TMEM163: variants seen among roughly 807,000 people sequenced by gnomAD.
The protein encoded by TMEM163 is transmembrane protein 163.
In TMEM163, 17 loss-of-function variants were observed where a neutral mutation model predicts 29.3. That is an observed-to-expected ratio of 0.58 (90% confidence interval 0.40 to 0.87). The LOEUF is 0.87. Ranked by LOEUF, TMEM163 falls within the 40% of genes least tolerant of loss-of-function variation. TMEM163 has a pLI of 0.00. For synonymous variants in TMEM163, 157 were observed against 160.6 expected (o/e 0.98, Z 0.17); for missense variants, 303 against 381.5 (o/e 0.79, Z 1.71).
intron 5 of TMEM163, among the ~76,000 whole-genome samples, chr2:134,496,086 G>A (rs925936544): frequency 6.6e-6 from 1 of 150,686 alleles, no homozygotes; most frequent in Non-Finnish European, 1.5e-5. Context: ...TTTTGAGACG[G>A]AGTCTCGCTC....
At chr2:134,552,174 A>C in intron 2 of TMEM163, 83 bp from the exon 3 acceptor site, 1 of 1,092,942 alleles carries the variant, frequency 9.1e-7, no homozygotes, top group Non-Finnish European at 1.3e-6. Context: ...TGGCCTTTTA[A>C]ACATCAGTGG....
At chr2:134,574,559 TCAAAA>T (rs747657347) in intron 2 of TMEM163, among the ~76,000 whole-genome samples, 4 of 152,124 alleles carry the variant, frequency 2.6e-5, no homozygotes, top group Non-Finnish European at 5.9e-5. Flanking sequence ...AAACCCTGTC[TCAAAA>T]CAAAAACAAA....
At chr2:134,492,232 AC>A (rs1340614766) in intron 5 of TMEM163, among the ~76,000 whole-genome samples, 1 of 152,202 alleles carries the variant, frequency 6.6e-6, no homozygotes, top group African/African-American at 2.4e-5. Flanking sequence ...AATCAGGAAA[AC>A]AAAACCTCAC....
intron 2 of TMEM163, among the ~76,000 whole-genome samples, chr2:134,634,406 A>G (rs1318992555): frequency 6.6e-6 from 1 of 152,200 alleles, no homozygotes; most frequent in African/African-American, 2.4e-5. Flanking sequence ...GAGGTTGAGC[A>G]TGTAAAGCAC....
At chr2:134,634,109 A>G (rs533019319) in intron 2 of TMEM163, among the ~76,000 whole-genome samples, 2 of 151,482 alleles carry the variant, frequency 1.3e-5, no homozygotes, top group South Asian at 4.2e-4. Flanking sequence ...TAGAAGAAGT[A>G]GAAAAGACAA....
chr2:134,480,786 C>T (rs1216396515), intron 5 of TMEM163, among the ~76,000 whole-genome samples: 1 of 151,642 alleles, frequency 6.6e-6, no homozygotes. Flanking sequence ...TCATTGTGCT[C>T]GACTAACACC....
intron 2 of TMEM163, among the ~76,000 whole-genome samples, chr2:134,566,410 A>C (rs1411537069): frequency 6.6e-6 from 1 of 152,132 alleles, no homozygotes; most frequent in Non-Finnish European, 1.5e-5. Flanking sequence ...AAAAAACACG[A>C]AAATTAGCCA....
intron 2 of TMEM163, among the ~76,000 whole-genome samples, chr2:134,625,682 A>G (rs1248568043): frequency 1.3e-5 from 2 of 152,248 alleles, no homozygotes; most frequent in African/African-American, 4.8e-5. Context: ...TATTGAAAAG[A>G]TACAGCATTG....
intron 2 of TMEM163, among the ~76,000 whole-genome samples, chr2:134,566,818 C>G (rs1681309769): frequency 6.6e-6 from 1 of 152,144 alleles, no homozygotes; most frequent in Non-Finnish European, 1.5e-5. Flanking sequence ...ACCACTTAGG[C>G]ATCCATTAAT....
intron 2 of TMEM163, among the ~76,000 whole-genome samples, chr2:134,632,909 A>AT (rs57488299): frequency 0.081 from 9,574 of 118,666 alleles, 501 homozygotes; most frequent in East Asian, 0.15. Context: ...CACCCAGCTA[A>AT]TTTTTTTTTT....
At chr2:134,645,030 C>A (rs1683303695) in intron 2 of TMEM163, among the ~76,000 whole-genome samples, 1 of 152,124 alleles carries the variant, frequency 6.6e-6, no homozygotes, top group South Asian at 2.1e-4. Flanking sequence ...GACATCATTA[C>A]CCATTAGGGA....
rs1442964083 is a variant in TMEM163 at position 134,456,707 on chromosome 2, T to C, written c.*9A>G. ...CATCTCGATGGTCTCATGCGGATGC[T>C]GGCCCCCTTCACTCAAACATCTCGT... is the stretch of plus-strand genomic sequence containing the variant. On this transcript the variant is annotated 3_prime_UTR_variant, in exon 8 of 8. Coordinates refer to ENST00000281924, the MANE Select transcript of TMEM163 (RefSeq NM_030923.5). The C allele has an allele frequency of 6.2e-7, 1 of 1,614,018 alleles. No individual in the cohort carries two copies. Among genetic ancestry groups the C allele is most frequent in the Non-Finnish European group, 8.5e-7 (1 of 1,179,986 alleles).
chr2:134,511,219 A>G (rs905679828), intron 4 of TMEM163, among the ~76,000 whole-genome samples: 1 of 151,616 alleles, frequency 6.6e-6, no homozygotes, highest in African/African-American at 2.4e-5. Context: ...ACATCTGAAC[A>G]AAGACCTACC....
intron 2 of TMEM163, among the ~76,000 whole-genome samples, chr2:134,626,407 C>A (rs1308394642): frequency 6.6e-6 from 1 of 151,954 alleles, no homozygotes; most frequent in African/African-American, 2.4e-5. Context: ...GCCCAGCCTC[C>A]TTTTCCAGCT....
intron 2 of TMEM163, among the ~76,000 whole-genome samples, chr2:134,587,238 C>A (rs1360230012): frequency 1.3e-5 from 2 of 152,096 alleles, no homozygotes; most frequent in Non-Finnish European, 2.9e-5. Flanking sequence ...TGGTGAGGCC[C>A]CGCTTCTACT....
At chr2:134,597,107 C>A (rs1682105215) in intron 2 of TMEM163, among the ~76,000 whole-genome samples, 1 of 152,194 alleles carries the variant, frequency 6.6e-6, no homozygotes, top group Middle Eastern at 3.4e-3. Context: ...CCCTTTATTT[C>A]TTTCTCCTGC....
chr2:134,550,467 T>C, intron 4 of TMEM163, 103 bp downstream of exon 4: 1 of 1,107,332 alleles, frequency 9.0e-7, no homozygotes, highest in Non-Finnish European at 1.3e-6. Flanking sequence ...CTTCTTCTCA[T>C]CACTGGGACA....
At chr2:134,687,758 G>A (rs1684379565) in intron 2 of TMEM163, among the ~76,000 whole-genome samples, 1 of 152,128 alleles carries the variant, frequency 6.6e-6, no homozygotes, top group Non-Finnish European at 1.5e-5. Flanking sequence ...TGTGGTAAAA[G>A]GCAGAACCTA....
chr2:134,480,479 G>A (rs1687026575), intron 5 of TMEM163, among the ~76,000 whole-genome samples: 1 of 152,112 alleles, frequency 6.6e-6, no homozygotes, highest in Non-Finnish European at 1.5e-5. Flanking sequence ...ATAAAATTAA[G>A]CACTCAGTTC....
Sources: allele counts gnomAD v4.1 joint callset (sites outside exome capture counted in the v4.1 genomes callset), GRCh38; gene constraint gnomAD v4.1.1; transcripts MANE v1.5; gene names NCBI Gene and HGNC (gene_info 2026-07-23, HGNC 2026-07-21).